The following LMO2 variants were observed in gnomAD, a reference collection of about 807,000 sequenced individuals.
LMO2 encodes rhombotin-2.
Under a neutral mutation model 23.2 loss-of-function variants are expected in LMO2, and 20 were observed. The observed-to-expected ratio is 0.86, with a 90% CI of 0.61 to 1.25. The LOEUF (loss-of-function observed/expected upper bound fraction) is 1.25. Among genes scored for constraint, LMO2 ranks in the 50% most tolerant of loss-of-function variants. The probability of loss-of-function intolerance (pLI) is 0.00; values close to 1 mark genes in which losing one functional copy is unlikely to be tolerated. For missense variants in LMO2, 270 were observed against 315.3 expected, an observed-to-expected ratio of 0.86 and a Z score of 1.09; for synonymous variants, 123 against 130.2, an observed-to-expected ratio of 0.94 and a Z score of 0.38.
intron 2 of LMO2, chr11:33,870,967 A>C (rs900501304): frequency 4.1e-6 from 3 of 724,200 alleles, no homozygotes; most frequent in Non-Finnish European, 5.1e-6. Flanking sequence ...GTTCCTTGAA[A>C]ATATCTGCGT....
In LMO2 at chr11:33,886,092, C is replaced by G. The variant is rs11032436; in HGVS notation, c.-335-4205G>C. The stretch of plus-strand genomic sequence containing the variant: ...GGGGTTTCACCATGTTGGCCAGGCT[C>G]GTCTCAAACTCCTGACTTCAGGTGA... On this transcript the variant is annotated intron_variant, in intron 1 of 5. Coordinates refer to ENST00000257818, the MANE Select transcript of LMO2 (RefSeq NM_005574.4). Among the ~76,000 whole-genome samples, 701 of 152,112 alleles carry G rather than the reference C, an allele frequency of 4.6e-3. 2 individuals are homozygous for G. Among genetic ancestry groups the G allele is most frequent in the Non-Finnish European group, 7.8e-3 (530 of 67,988 alleles).
chr11:33,869,543 C>G lies in LMO2; in HGVS notation c.51G>C (p.Pro17=). The G allele has an allele frequency of 1.6e-6, 2 of 1,275,824 alleles. No individual in the cohort carries two copies. The highest frequency in any genetic ancestry group is 1.0e-6 in the Non-Finnish European group (1 of 999,486). 79.0% of individuals were successfully genotyped at this position (1,275,824 alleles called of 1,614,324 possible). ...GCCTCCGCTTGCTCCGGCGCTCCGCCGGCGAGCTCGCCCCTCCGCGCTCAA... is the reference window on the plus strand; with the variant it reads ...GCCTCCGCTTGCTCCGGCGCTCCGCGGGCGAGCTCGCCCCTCCGCGCTCAA... ...TVLERGGASS[P]AERRSKRRRR... The change falls in exon 4 of 6, where the codon CCG becomes CCC. Residue 17 remains proline (P), a synonymous_variant. Transcript: ENST00000257818.
Position 33,869,821 on chromosome 11 carries a change from G to C in LMO2, c.-105C>G. ...CCCGCCCGGCCGCCCGGAGCCCCTC[G>C]CACCTTCGGCCCGGGTCGCGGCGCG... On this transcript the variant is annotated 5_prime_UTR_variant, in exon 3 of 6. Transcript: ENST00000257818. 1 of 1,085,034 alleles carries C rather than the reference G, an allele frequency of 9.2e-7. No individual in the cohort carries two copies. Among genetic ancestry groups the C allele is most frequent in the Non-Finnish European group, 1.1e-6 (1 of 895,598 alleles). 67.2% of individuals were successfully genotyped at this position (1,085,034 alleles called of 1,614,324 possible). A position where few individuals can be genotyped will look rare whatever the true frequency, so the allele number is the denominator to read the frequency against.
chr11:33,867,775 C>T (rs1421849368), intron 4 of LMO2, among the ~76,000 whole-genome samples: 1 of 152,184 alleles, frequency 6.6e-6, no homozygotes, highest in Non-Finnish European at 1.5e-5. Flanking sequence ...AAAGCACAAA[C>T]TTTGAAAGAA....
chr11:33,862,563 G>A (rs919661377), intron 5 of LMO2, among the ~76,000 whole-genome samples: 1 of 151,736 alleles, frequency 6.6e-6, no homozygotes, highest in African/African-American at 2.4e-5. Context: ...AACTGTAACA[G>A]GCAACTCAGC....
Position 33,869,546 on chromosome 11 carries a change from C to T in LMO2, c.48G>A (p.Ser16=). 7.0e-6 allele frequency: 9 copies of T among 1,277,964 alleles called. No individual in the cohort carries two copies. Among genetic ancestry groups the T allele is most frequent in the Non-Finnish European group, 9.0e-6 (9 of 1,000,566 alleles). 79.2% of individuals were successfully genotyped at this position (1,277,964 alleles called of 1,614,324 possible). The part of the protein sequence containing the change: ...VTVLERGGAS[S]PAERRSKRRR... ...TCCGCTTGCTCCGGCGCTCCGCCGG[C>T]GAGCTCGCCCCTCCGCGCTCAAGGA... is the stretch of plus-strand genomic sequence containing the variant. Residue 16 remains serine, a synonymous_variant, in exon 4 of 6, where the codon TCG becomes TCA. Coordinates refer to ENST00000257818, the MANE Select transcript of LMO2 (RefSeq NM_005574.4).
intron 2 of LMO2, chr11:33,881,124 G>A (rs961325545): frequency 2.2e-6 from 1 of 454,630 alleles, no homozygotes; most frequent in Non-Finnish European, 4.4e-6. Flanking sequence ...GGAAAAGGGG[G>A]CGTCTCTGAT....
intron 4 of LMO2, among the ~76,000 whole-genome samples, chr11:33,868,875 C>T (rs1459523806): frequency 6.6e-6 from 1 of 152,244 alleles, no homozygotes; most frequent in South Asian, 2.1e-4. Flanking sequence ...GCTCCACCTG[C>T]GGACCGGGAA....
intron 2 of LMO2, among the ~76,000 whole-genome samples, chr11:33,879,564 CAG>C (rs1435827190): frequency 2.6e-5 from 4 of 151,808 alleles, no homozygotes; most frequent in Non-Finnish European, 4.4e-5. Flanking sequence ...GGAAGGGAGA[CAG>C]AGGTTGCAGT....
intron 5 of LMO2, among the ~76,000 whole-genome samples, chr11:33,862,910 A>G (rs919063514): frequency 6.6e-6 from 1 of 152,146 alleles, no homozygotes; most frequent in African/African-American, 2.4e-5. Context: ...TCATGTCACC[A>G]AGACACAAGT....
At chr11:33,860,799 C>CAA (rs1400446705) in intron 5 of LMO2, among the ~76,000 whole-genome samples, 1 of 151,978 alleles carries the variant, frequency 6.6e-6, no homozygotes, top group Non-Finnish European at 1.5e-5. Context: ...AACAAACAAA[C>CAA]AAAAAAACAA....
intron 4 of LMO2, 40 bp downstream of exon 4, chr11:33,869,306 T>G: frequency 8.8e-7 from 1 of 1,134,528 alleles, no homozygotes; most frequent in Non-Finnish European, 1.1e-6. Context: ...CGCGAGGCCG[T>G]GGACACCGGG....
chr11:33,877,732 T>C (rs1265108395), intron 2 of LMO2, among the ~76,000 whole-genome samples: 1 of 152,120 alleles, frequency 6.6e-6, no homozygotes, highest in Non-Finnish European at 1.5e-5. Context: ...CCCAAAGTGC[T>C]AGGATTACAG....
intron 2 of LMO2, among the ~76,000 whole-genome samples, chr11:33,872,951 C>T (rs892763320): frequency 2.0e-5 from 3 of 152,006 alleles, no homozygotes; most frequent in African/African-American, 7.2e-5. Flanking sequence ...TTAGTAGAGA[C>T]GGGGTTTCAC....
chr11:33,874,845 C>T (rs1857098832), intron 2 of LMO2, among the ~76,000 whole-genome samples: 1 of 152,222 alleles, frequency 6.6e-6, no homozygotes, highest in Admixed American at 6.5e-5. Flanking sequence ...TTTTCCCCTC[C>T]AACAACTTTC....
chr11:33,870,569 C>T, intron 2 of LMO2: 1 of 985,508 alleles, frequency 1.0e-6, no homozygotes, highest in Non-Finnish European at 1.2e-6. Context: ...GCTGGGGACG[C>T]CTAGAGCAGA....
At chr11:33,867,978 C>T (rs1856847317) in intron 4 of LMO2, among the ~76,000 whole-genome samples, 1 of 152,178 alleles carries the variant, frequency 6.6e-6, no homozygotes, top group Admixed American at 6.5e-5. Context: ...AGTGATCAAA[C>T]CACCCTTTAA....
chr11:33,859,903 T>G (rs1235660141), intron 5 of LMO2, among the ~76,000 whole-genome samples: 1 of 152,110 alleles, frequency 6.6e-6, no homozygotes, highest in East Asian at 1.9e-4. Context: ...CATAAGGAGT[T>G]AGGCAAGTAT....
At chr11:33,890,339 A>G (rs1214975641) in intron 1 of LMO2, among the ~76,000 whole-genome samples, 2 of 152,102 alleles carry the variant, frequency 1.3e-5, no homozygotes, top group Non-Finnish European at 2.9e-5. Flanking sequence ...CCATAAATTT[A>G]TGTAAGTTTT....
Sources: allele counts gnomAD v4.1 joint callset (sites outside exome capture counted in the v4.1 genomes callset), GRCh38; gene constraint gnomAD v4.1.1; transcripts MANE v1.5; gene names NCBI Gene and HGNC (gene_info 2026-07-23, HGNC 2026-07-21).